TFAP4: variants seen among roughly 807,000 people sequenced by gnomAD.
TFAP4 encodes transcription factor AP-4.
Under a neutral mutation model 40.4 loss-of-function variants are expected in TFAP4, and 7 were observed. The observed-to-expected ratio is 0.17, with a 90% CI of 0.10 to 0.33. The LOEUF (loss-of-function observed/expected upper bound fraction) is 0.33. Ranked by LOEUF, TFAP4 falls within the 10% of genes least tolerant of loss-of-function variation. The pLI is 1.00. For missense variants in TFAP4, 374 were observed against 451.1 expected, an observed-to-expected ratio of 0.83 and a Z score of 1.55; for synonymous variants, 218 against 181.4, an observed-to-expected ratio of 1.20 and a Z score of -1.62.
intron 1 of TFAP4, among the ~76,000 whole-genome samples, chr16:4,271,364 C>G (rs1216467111): frequency 6.6e-6 from 1 of 152,234 alleles, no homozygotes; most frequent in Non-Finnish European, 1.5e-5. Context: ...GTGGCTCCAG[C>G]CCTGGGGAGC....
chr16:4,262,945 G>A, intron 1 of TFAP4: 1 of 539,710 alleles, frequency 1.9e-6, no homozygotes, highest in East Asian at 3.3e-5. Flanking sequence ...GGAGGTCAAG[G>A]CCAAGGATCA....
At chr16:4,270,855 C>T (rs889200657) in intron 1 of TFAP4, among the ~76,000 whole-genome samples, 1 of 152,250 alleles carries the variant, frequency 6.6e-6, no homozygotes, top group South Asian at 2.1e-4. Flanking sequence ...CCCAGCCCAG[C>T]CCTGCAGCAG....
Position 4,272,686 on chromosome 16 carries a change from C to T in TFAP4, c.61G>A (p.Glu21Lys), listed in dbSNP as rs1567203979. 2.5e-6 allele frequency: 4 copies of T among 1,613,346 alleles called. No homozygotes were observed. Among genetic ancestry groups the T allele is most frequent in the Non-Finnish European group, 3.4e-6 (4 of 1,179,580 alleles). The change falls in exon 1 of 7, where the codon GAG (glutamate) becomes AAG (lysine). Residue 21 changes from glutamate (E) to lysine (K), a missense_variant. Glu to Lys is a moderately conservative substitution (Grantham distance 56, BLOSUM62 1). This residue lies in a region of TFAP4 where 51 missense variants were observed against 59.3 expected (regional missense o/e 0.86). Coordinates refer to ENST00000204517, the MANE Select transcript of TFAP4 (RefSeq NM_003223.3). Reference protein sequence around the residue: ...VPSLQHFRKTEKEVIGGLCSL... With the variant: ...VPSLQHFRKTKKEVIGGLCSL... ...CAGAGCCCTCCTATCACTTCTTTCT[C>T]TGTTTTCCTGAAATGTTGCAAAGAG...
intron 1 of TFAP4, among the ~76,000 whole-genome samples, chr16:4,267,719 G>A (rs1474261729): frequency 1.3e-5 from 2 of 152,172 alleles, no homozygotes; most frequent in Non-Finnish European, 2.9e-5. Context: ...ATACCTCAGG[G>A]TCACTTAACA....
chr16:4,264,567 G>T (rs1472167340), intron 1 of TFAP4: 1 of 152,336 alleles, frequency 6.6e-6, no homozygotes, highest in Non-Finnish European at 1.5e-5. Context: ...CTTTCCATGA[G>T]ACTTTAGGGT....
intron 1 of TFAP4, 43 bp from the exon 2 acceptor site, chr16:4,262,744 T>C: frequency 6.3e-7 from 1 of 1,590,066 alleles, no homozygotes; most frequent in Non-Finnish European, 8.5e-7. Context: ...GGCGCCCTCT[T>C]CATCATTCAT....
chr16:4,262,080 C>A, intron 3 of TFAP4, 131 bp from the exon 4 acceptor site: 2 of 1,099,236 alleles, frequency 1.8e-6, no homozygotes, highest in Non-Finnish European at 2.5e-6. Flanking sequence ...TCTGCAAGTC[C>A]AACAAACCAG....
chr16:4,263,783 T>A (rs1409418114), intron 1 of TFAP4: 1 of 152,844 alleles, frequency 6.5e-6, no homozygotes, highest in Non-Finnish European at 1.5e-5. Context: ...GGCTGCTGGC[T>A]GGGGGCGTGG....
At position 4,257,815 on chromosome 16, in the gene TFAP4, C is replaced by CCGAGGG; in HGVS notation, c.*239_*240insCCCTCG. 2.4e-6 allele frequency: 1 copy of CCGAGGG among 423,776 alleles called. No homozygotes were observed. The highest frequency in any genetic ancestry group is 4.2e-6 in the Non-Finnish European group (1 of 238,684). 26.3% of individuals were successfully genotyped at this position (423,776 alleles called of 1,614,324 possible). A position where few individuals can be genotyped will look rare whatever the true frequency, so the allele number is the denominator to read the frequency against. On this transcript the variant is annotated 3_prime_UTR_variant, in exon 7 of 7. Transcript: ENST00000204517. ...TGTCAGCTTCCTCCAGCCCCCGGGG[C>CCGAGGG]CGAGGCCCCGCCCTGGGGTGCCGAT...
intron 1 of TFAP4, chr16:4,265,650 G>A (rs1046980823): frequency 4.9e-5 from 7 of 143,614 alleles, no homozygotes; most frequent in Admixed American, 7.2e-5. Flanking sequence ...CCAGGCATTC[G>A]GAAATCGCTG....
chr16:4,269,636 C>G (rs998368527), intron 1 of TFAP4, among the ~76,000 whole-genome samples: 1 of 151,574 alleles, frequency 6.6e-6, no homozygotes, highest in East Asian at 1.9e-4. Context: ...ATGGTGAAAC[C>G]CCGTCTGTAC....
At chr16:4,262,458 G>A in intron 2 of TFAP4, 36 bp from the exon 3 acceptor site, 1 of 1,613,824 alleles carries the variant, frequency 6.2e-7, no homozygotes, top group South Asian at 1.1e-5. Context: ...CAGGCTGGCA[G>A]TGTTTACCAG....
chr16:4,268,645 G>A (rs747832183), intron 1 of TFAP4, among the ~76,000 whole-genome samples: 2 of 152,088 alleles, frequency 1.3e-5, no homozygotes, highest in African/African-American at 2.4e-5. Context: ...AAGCTGGAGT[G>A]CAATGGCATG....
intron 1 of TFAP4, chr16:4,266,120 G>C (rs926866505): frequency 6.6e-6 from 1 of 152,336 alleles, no homozygotes; most frequent in South Asian, 2.1e-4. Flanking sequence ...CCCACTAACT[G>C]GGAGACCAAA....
chr16:4,269,945 C>A (rs1307878401), intron 1 of TFAP4, among the ~76,000 whole-genome samples: 1 of 152,126 alleles, frequency 6.6e-6, no homozygotes, highest in Non-Finnish European at 1.5e-5. Flanking sequence ...CTTTGGGAGG[C>A]CAAGGTGGGC....
At chr16:4,260,630 C>A in intron 4 of TFAP4, 35 bp from the exon 5 acceptor site, 1 of 1,556,874 alleles carries the variant, frequency 6.4e-7, no homozygotes, top group Admixed American at 1.9e-5. Context: ...AGGGCCAAGG[C>A]CGGGAGCACA....
At chr16:4,272,170 C>A (rs930180630) in intron 1 of TFAP4, among the ~76,000 whole-genome samples, 1 of 151,642 alleles carries the variant, frequency 6.6e-6, no homozygotes, top group African/African-American at 2.4e-5. Flanking sequence ...CCCGGCTCCC[C>A]GCCCCCACCC....
chr16:4,270,609 G>A (rs1016506173), intron 1 of TFAP4, among the ~76,000 whole-genome samples: 1 of 152,198 alleles, frequency 6.6e-6, no homozygotes, highest in Non-Finnish European at 1.5e-5. Flanking sequence ...CCTGGACGAA[G>A]GCCCTACACC....
At chr16:4,265,025 C>T (rs2052980399) in intron 1 of TFAP4, 1 of 152,176 alleles carries the variant, frequency 6.6e-6, no homozygotes, top group African/African-American at 2.4e-5. Context: ...CAAGTCCAGC[C>T]TTGGGCCACC....
Sources: allele counts gnomAD v4.1 joint callset (sites outside exome capture counted in the v4.1 genomes callset), GRCh38; gene constraint gnomAD v4.1.1; regional missense constraint gnomAD v4.1.1; transcripts MANE v1.5; gene names NCBI Gene and HGNC (gene_info 2026-07-23, HGNC 2026-07-21).